AK9: variants seen among roughly 807,000 people sequenced by gnomAD.
AK9 encodes the protein adenylate kinase domain containing 1.
A neutral mutation model predicts 239.6 loss-of-function variants in AK9; 191 were observed. The ratio of observed to expected loss-of-function variants is 0.80; its 90% CI spans 0.71 to 0.90. AK9 has a LOEUF of 0.90. AK9 is among the 40% of genes least tolerant of loss of function. AK9 has a pLI of 0.00. For synonymous variants in AK9, 689 were observed against 721.0 expected, an observed-to-expected ratio of 0.96 and a Z score of 0.71; for missense variants, 1,995 against 2,214.7, an observed-to-expected ratio of 0.90 and a Z score of 1.99.
Position 109,497,948 on chromosome 6 carries a change from T to A in AK9, c.5064A>T (p.Pro1688=), listed in dbSNP as rs748120377. Reference sequence around the variant, plus strand: ...GTGCTAAGGGAGGCACGTACAATTCTGGGTTCTCCAAGAATTTCTATTAAA... The same window carrying A: ...GTGCTAAGGGAGGCACGTACAATTCAGGGTTCTCCAAGAATTTCTATTAAA... The part of the protein sequence containing the change: ...QEKLNKFLEN[P]ELYVPPLAPH... Residue 1688 remains proline (P), a synonymous_variant, in exon 37 of 41, where the codon CCA becomes CCT. Transcript: ENST00000424296. 1 of 1,613,840 alleles carries A rather than the reference T, an allele frequency of 6.2e-7. No homozygotes were observed. Among genetic ancestry groups the A allele is most frequent in the South Asian group, 1.1e-5 (1 of 91,064 alleles).
intron 32 of AK9, among the ~76,000 whole-genome samples, chr6:109,511,214 C>T (rs901939781): frequency 6.6e-6 from 1 of 152,084 alleles, no homozygotes; most frequent in Non-Finnish European, 1.5e-5. Flanking sequence ...ATTCCTGTTT[C>T]ACTGAATTGT....
chr6:109,533,489 ATTTAC>A lies in AK9; in HGVS notation c.3351-24_3351-20del. On this transcript the variant is annotated intron_variant, in intron 27 of 40. Coordinates refer to ENST00000424296, the MANE Select transcript of AK9 (RefSeq NM_001145128.3). ...TGTGGAACTGGTGGAAATTTTCATAATTTACTTTATTTCATTAAAATGTTGTAATG... is the reference window on the plus strand; with the variant it reads ...TGTGGAACTGGTGGAAATTTTCATAATTTATTTCATTAAAATGTTGTAATG... 1 of 1,543,556 alleles carries A rather than the reference ATTTAC, an allele frequency of 6.5e-7. No homozygotes were observed. The highest frequency in any genetic ancestry group is 8.7e-7 in the Non-Finnish European group (1 of 1,144,676).
At chr6:109,611,073 T>C (rs554655265) in intron 16 of AK9, among the ~76,000 whole-genome samples, 89 of 152,174 alleles carry the variant, frequency 5.8e-4, no homozygotes, top group Non-Finnish European at 1.1e-3. Flanking sequence ...TTTGTTCATC[T>C]GCTACTCTAA....
chr6:109,633,064 T>G lies in AK9; in HGVS notation c.1113A>C (p.Ala371=). 1 of 1,556,512 alleles carries G rather than the reference T, an allele frequency of 6.4e-7. No homozygotes were observed. Among genetic ancestry groups the G allele is most frequent in the Non-Finnish European group, 8.6e-7 (1 of 1,159,524 alleles). ...GTGGGTTCAACAAAAATGGTTTTAA[T>G]GCTTCTTCTGATGAAAGACAGTAGA... ...GKIYCLSSEE[A]LKPFLLNPRP... The change falls in exon 12 of 41, where the codon GCA becomes GCC. Residue 371 remains alanine (A), a synonymous_variant. Coordinates refer to ENST00000424296, the MANE Select transcript of AK9 (RefSeq NM_001145128.3).
chr6:109,618,205 G>A (rs2128246428), intron 13 of AK9, among the ~76,000 whole-genome samples: 1 of 152,132 alleles, frequency 6.6e-6, no homozygotes, highest in African/African-American at 2.4e-5. Context: ...CCCAGATTTT[G>A]GATTTAGATT....
intron 17 of AK9, among the ~76,000 whole-genome samples, chr6:109,603,581 C>G (rs1206716796): frequency 1.3e-5 from 2 of 152,118 alleles, no homozygotes; most frequent in African/African-American, 2.4e-5. Context: ...CTGGGAGAAC[C>G]ACTACTCTCT....
rs1778427944 is a variant in AK9 at position 109,509,215 on chromosome 6, T to C, written c.4445A>G (p.Glu1482Gly). 1 of 1,552,072 alleles carries C rather than the reference T, an allele frequency of 6.4e-7. No individual in the cohort carries two copies. The highest frequency in any genetic ancestry group is 1.4e-5 in the African/African-American group (1 of 73,042). Residue 1482 changes from glutamate to glycine, a missense_variant, in exon 33 of 41, where the codon GAA (glutamate) becomes GGA (glycine). Glu to Gly is a moderately conservative substitution (Grantham distance 98). Coordinates refer to ENST00000424296, the MANE Select transcript of AK9 (RefSeq NM_001145128.3). ...APDELAIQAL[E>G]LSLMESVCNT... ...GCACACACTTTCCATCAGAGAAAGTTCTAAGGCTTGAATAGCCAGTTCATC... is the reference window on the plus strand; with the variant it reads ...GCACACACTTTCCATCAGAGAAAGTCCTAAGGCTTGAATAGCCAGTTCATC...
At chr6:109,512,993 A>T (rs916642417) in intron 32 of AK9, among the ~76,000 whole-genome samples, 22 of 152,076 alleles carry the variant, frequency 1.4e-4, no homozygotes, top group Non-Finnish European at 2.8e-4. Flanking sequence ...CCTCCTAAAT[A>T]GTTGGGACTA....
intron 17 of AK9, among the ~76,000 whole-genome samples, chr6:109,598,834 G>T (rs1339472417): frequency 1.3e-5 from 2 of 152,220 alleles, no homozygotes; most frequent in African/African-American, 4.8e-5. Context: ...GTGATGATGA[G>T]CAGTTTTTCA....
At chr6:109,617,558 T>C (rs936134260) in intron 13 of AK9, among the ~76,000 whole-genome samples, 6 of 152,124 alleles carry the variant, frequency 3.9e-5, no homozygotes, top group African/African-American at 1.2e-4. Context: ...AGTAAAATTA[T>C]GGATAATTTA....
rs1183943050 is a variant in AK9 at position 109,615,378 on chromosome 6, G to A, written c.1400-898C>T. 1.4e-4 allele frequency among the ~76,000 whole-genome samples: 21 copies of A among 151,618 alleles called. No homozygotes were observed. The East Asian group carries it at 3.7e-3, about 27-fold the overall frequency. On this transcript the variant is annotated intron_variant, in intron 13 of 40. Coordinates refer to ENST00000424296, the MANE Select transcript of AK9 (RefSeq NM_001145128.3). ...CTAGAATAAAGTCTAATACAAAGTA[G>A]GTATTCAAGTATTTGTTGAATGAAT...
intron 27 of AK9, among the ~76,000 whole-genome samples, chr6:109,540,490 G>T (rs1211725076): frequency 1.3e-5 from 2 of 152,154 alleles, no homozygotes; most frequent in Non-Finnish European, 2.9e-5. Flanking sequence ...GATTTTCCAG[G>T]TGCCATCTGT....
intron 5 of AK9, among the ~76,000 whole-genome samples, chr6:109,668,334 C>T (rs1397959400): frequency 6.6e-6 from 1 of 151,800 alleles, no homozygotes; most frequent in Non-Finnish European, 1.5e-5. Flanking sequence ...AAATTTTCTC[C>T]CATTCTGTAG....
intron 12 of AK9, among the ~76,000 whole-genome samples, chr6:109,623,156 T>C (rs1795081941): frequency 1.3e-5 from 2 of 152,216 alleles, no homozygotes; most frequent in Non-Finnish European, 2.9e-5. Context: ...TTGATTTGTC[T>C]TTTTATATTT....
chr6:109,597,444 G>A (rs887903569), intron 17 of AK9, among the ~76,000 whole-genome samples: 2 of 151,970 alleles, frequency 1.3e-5, no homozygotes, highest in East Asian at 1.9e-4. Flanking sequence ...AGGCCGAGGC[G>A]GGCAGATCAC....
chr6:109,594,629 G>A (rs554765799), intron 17 of AK9, among the ~76,000 whole-genome samples: 49 of 152,180 alleles, frequency 3.2e-4, no homozygotes, highest in African/African-American at 1.0e-3. Context: ...GACTACAGCA[G>A]CCAAAACAAA....
rs369607191 is a variant in AK9, at chr6:109,598,306, G to A, written c.1842+12059C>T. ...TTCTCATTGTTCAATTCCCACCTAT[G>A]AGTGAGAACATGCGGTGTTTGGTTT... is the stretch of plus-strand genomic sequence containing the variant. On this transcript the variant is annotated intron_variant, in intron 17 of 40. Coordinates refer to ENST00000424296, the MANE Select transcript of AK9 (RefSeq NM_001145128.3). Among the ~76,000 whole-genome samples the A allele has an allele frequency of 3.3e-4, 49 of 148,208 alleles. No individual in the cohort carries two copies. In the East Asian group the frequency reaches 9.6e-3, roughly 29 times the overall value.
chr6:109,540,777 A>C (rs1356377280), intron 27 of AK9, among the ~76,000 whole-genome samples: 5 of 152,074 alleles, frequency 3.3e-5, no homozygotes, highest in African/African-American at 1.2e-4. Flanking sequence ...GGCAGGGTCA[A>C]TTTCATTCCT....
intron 32 of AK9, among the ~76,000 whole-genome samples, chr6:109,512,987 C>A (rs1038465569): frequency 1.2e-4 from 19 of 152,310 alleles, no homozygotes; most frequent in African/African-American, 4.6e-4. Context: ...CCTCAGCCTC[C>A]TAAATAGTTG....
Sources: gnomAD v4.1 joint callset for allele counts (sites outside exome capture counted in the v4.1 genomes callset) on GRCh38, gnomAD v4.1.1 for gene constraint, MANE v1.5 for transcripts, NCBI Gene and HGNC (gene_info 2026-07-23, HGNC 2026-07-21) for gene names.